Variants in DNAJC17 observed in about 807,000 individuals in gnomAD.
DNAJC17 encodes dnaJ homolog subfamily C member 17.
In DNAJC17, 35 loss-of-function variants were observed where a neutral mutation model predicts 48.1. That is an observed-to-expected ratio of 0.73 (90% CI 0.56 to 0.96). DNAJC17 has a LOEUF of 0.96. Ranked by LOEUF, DNAJC17 falls within the 50% of genes least tolerant of loss-of-function variation. The pLI is 0.00. For synonymous variants in DNAJC17, 117 were observed against 142.7 expected (o/e 0.82, Z 1.28); for missense variants, 355 against 377.1 (o/e 0.94, Z 0.48).
chr15:40,780,480 C>T, intron 1 of DNAJC17: 1 of 377,582 alleles, frequency 2.6e-6, no homozygotes, highest in South Asian at 2.0e-5. Context: ...ACTGTTGATA[C>T]TAGCCAGCCA....
At chr15:40,790,839 T>C (rs1045197192) in intron 1 of DNAJC17, among the ~76,000 whole-genome samples, 5 of 152,184 alleles carry the variant, frequency 3.3e-5, no homozygotes, top group Non-Finnish European at 5.9e-5. Context: ...GAATCATTCC[T>C]TTTGACTTAA....
In DNAJC17 at chr15:40,767,342, A is replaced by G; in HGVS notation, c.*598T>C. 1 of 1,598,504 alleles carries G rather than the reference A, an allele frequency of 6.3e-7. No individual in the cohort carries two copies. The highest frequency in any genetic ancestry group is 8.5e-7 in the Non-Finnish European group (1 of 1,173,722). ...CAGACGCTGGTGTGGTGTCTGCACA[A>G]GGAGTGACCTTCTCATGCTGATTTG... On this transcript the variant is annotated 3_prime_UTR_variant, in exon 11 of 11. Transcript: ENST00000220496.
chr15:40,795,431 T>G (rs1281509663), intron 1 of DNAJC17, among the ~76,000 whole-genome samples: 1 of 152,170 alleles, frequency 6.6e-6, no homozygotes, highest in African/African-American at 2.4e-5. Context: ...CTAAAACCGC[T>G]TCTCTTCACA....
intron 1 of DNAJC17, among the ~76,000 whole-genome samples, chr15:40,781,871 G>A (rs952336986): frequency 2.6e-5 from 4 of 151,578 alleles, no homozygotes; most frequent in Admixed American, 6.6e-5. Flanking sequence ...GCAGTGAGCC[G>A]AGATCACACC....
At chr15:40,782,780 C>A (rs1168200891) in intron 1 of DNAJC17, among the ~76,000 whole-genome samples, 2 of 152,140 alleles carry the variant, frequency 1.3e-5, no homozygotes, top group African/African-American at 2.4e-5. Context: ...AGGCAGCCAC[C>A]GGGCCCAGGA....
In DNAJC17 at chr15:40,767,849, T is replaced by C. The variant is rs1888988598; in HGVS notation, c.*91A>G. The stretch of plus-strand genomic sequence containing the variant: ...GGCAGAGCCCAGCACCTTATACCTA[T>C]GTATGGGATAGAGGTAAAATCTTAA... On this transcript the variant is annotated 3_prime_UTR_variant, in exon 11 of 11. Coordinates refer to ENST00000220496, the MANE Select transcript of DNAJC17 (RefSeq NM_018163.3). 3.9e-6 allele frequency: 6 copies of C among 1,546,134 alleles called. No homozygotes were observed. The highest frequency in any genetic ancestry group is 2.3e-5 in the East Asian group (1 of 44,408).
chr15:40,775,126 T>A lies in DNAJC17; in HGVS notation c.523-18A>T, dbSNP rs145731701. 8.1e-6 allele frequency: 13 copies of A among 1,613,596 alleles called. No individual in the cohort carries two copies. The African/African-American group carries it at 1.7e-4, about 22-fold the overall frequency. ...CATTTTAGCTGAAAAGAGAGCCTCA[T>A]GAAACACTGATTCTTGGCTGAACAG... On this transcript the variant is annotated intron_variant, in intron 7 of 10. Transcript: ENST00000220496.
intron 1 of DNAJC17, among the ~76,000 whole-genome samples, chr15:40,798,244 A>AAAGG (rs1298231294): frequency 6.6e-6 from 1 of 152,244 alleles, no homozygotes; most frequent in Non-Finnish European, 1.5e-5. Context: ...GCCTGACACA[A>AAAGG]AAGGACAAAT....
rs533243310 is a variant in DNAJC17, at chr15:40,783,071, C to T, written c.79-3074G>A. Among the ~76,000 whole-genome samples, 12 of 148,678 alleles carry T rather than the reference C, an allele frequency of 8.1e-5. 1 individual carries two copies. The highest frequency in any genetic ancestry group is 4.6e-4 in the Admixed American group (7 of 15,238). Reference sequence around the variant, plus strand: ...AGGAGGTGCTAGCTTAAGACAGTGTCATCTTTGCAATATATCATCTTTACT... The same window carrying T: ...AGGAGGTGCTAGCTTAAGACAGTGTTATCTTTGCAATATATCATCTTTACT... On this transcript the variant is annotated intron_variant, in intron 1 of 10. Coordinates refer to ENST00000220496, the MANE Select transcript of DNAJC17 (RefSeq NM_018163.3).
At position 40,779,083 on chromosome 15, in the gene DNAJC17, C is replaced by T. The variant is rs767029083; in HGVS notation, c.295+140G>A. 5.0e-6 allele frequency: 4 copies of T among 793,516 alleles called. No individual in the cohort carries two copies. In the South Asian group the frequency reaches 5.6e-5, roughly 11 times the overall value. 49.2% of individuals were successfully genotyped at this position (793,516 alleles called of 1,614,324 possible). A position where few individuals can be genotyped will look rare whatever the true frequency, so the allele number is the denominator to read the frequency against. ...TCCTAAGAGTGTCTTTAGGAACCAACCTCTAAGAACAGCGTTTTGCCCAGA... is the reference window on the plus strand; with the variant it reads ...TCCTAAGAGTGTCTTTAGGAACCAATCTCTAAGAACAGCGTTTTGCCCAGA... On this transcript the variant is annotated intron_variant, in intron 4 of 10. Transcript: ENST00000220496.
At position 40,774,340 on chromosome 15, in the gene DNAJC17, C is replaced by T. The variant is rs910652077; in HGVS notation, c.681+16G>A. The stretch of plus-strand genomic sequence containing the variant: ...ACAGGGCCACGAGGGGCCCCCAAGC[C>T]TCATGCAGCACTCACCGCTGCCTTG... On this transcript the variant is annotated intron_variant, in intron 9 of 10. Transcript: ENST00000220496. The T allele has an allele frequency of 1.5e-5, 25 of 1,613,628 alleles. No homozygotes were observed. Among genetic ancestry groups the T allele is most frequent in the South Asian group, 3.3e-5 (3 of 91,086 alleles).
chr15:40,801,981 C>T lies in DNAJC17; in HGVS notation c.78+5388G>A, dbSNP rs1890087963. On this transcript the variant is annotated intron_variant, in intron 1 of 10. Transcript: ENST00000220496. ...TAGTGGTGGAGACAGAGAGGGTGAACAGGTTTGGGGATTATTTGGGAGGCT... is the reference window on the plus strand; with the variant it reads ...TAGTGGTGGAGACAGAGAGGGTGAATAGGTTTGGGGATTATTTGGGAGGCT... 2.0e-5 allele frequency among the ~76,000 whole-genome samples: 3 copies of T among 151,780 alleles called. No individual in the cohort carries two copies. In the South Asian group the frequency reaches 6.3e-4, roughly 32 times the overall value.
chr15:40,803,843 T>C (rs549009495), intron 1 of DNAJC17, among the ~76,000 whole-genome samples: 1 of 152,226 alleles, frequency 6.6e-6, no homozygotes, highest in Non-Finnish European at 1.5e-5. Context: ...TAGAACTGGA[T>C]CCCAGCCACC....
Position 40,781,561 on chromosome 15 carries a change from A to AT in DNAJC17, c.79-1565dup, listed in dbSNP as rs201843583. On this transcript the variant is annotated intron_variant, in intron 1 of 10. Coordinates refer to ENST00000220496, the MANE Select transcript of DNAJC17 (RefSeq NM_018163.3). The stretch of plus-strand genomic sequence containing the variant: ...TCAGGAATTTGCCACGCTTATTAAA[A>AT]TTTTTTTTAAATAAAATATTATAGT... 9.5e-3 allele frequency among the ~76,000 whole-genome samples: 1,446 copies of AT among 152,158 alleles called. 20 individuals are homozygous for AT. The highest frequency in any genetic ancestry group is 0.021 in the South Asian group (101 of 4,822).
At chr15:40,801,622 G>A (rs1019923534) in intron 1 of DNAJC17, among the ~76,000 whole-genome samples, 5 of 151,794 alleles carry the variant, frequency 3.3e-5, no homozygotes, top group African/African-American at 4.8e-5. Context: ...GCGTGGTGGC[G>A]GGCGCCTGTA....
At chr15:40,789,219 A>G (rs1889727221) in intron 1 of DNAJC17, among the ~76,000 whole-genome samples, 1 of 152,100 alleles carries the variant, frequency 6.6e-6, no homozygotes, top group Admixed American at 6.5e-5. Context: ...CCACACACGG[A>G]GCCTGGCCTG....
At chr15:40,774,283 G>A (rs1566821131) in intron 9 of DNAJC17, 73 bp downstream of exon 9, 3 of 1,528,676 alleles carry the variant, frequency 2.0e-6, no homozygotes, top group South Asian at 2.2e-5. Flanking sequence ...TAACTCAGAG[G>A]GCCCACAGAA....
intron 1 of DNAJC17, among the ~76,000 whole-genome samples, chr15:40,792,816 G>A (rs145940317): frequency 1.0e-3 from 155 of 152,028 alleles, no homozygotes; most frequent in African/African-American, 3.6e-3. Flanking sequence ...CTGGATGGTC[G>A]TGGAAAATTT....
At chr15:40,768,133 T>C (rs1323191929) in intron 10 of DNAJC17, 71 bp from the exon 11 acceptor site, 3 of 1,448,392 alleles carry the variant, frequency 2.1e-6, no homozygotes, top group Non-Finnish European at 2.7e-6. Context: ...CCGAGTACGG[T>C]GCCGAGGCAG....
Sources: allele counts gnomAD v4.1 joint callset (sites outside exome capture counted in the v4.1 genomes callset), GRCh38; gene constraint gnomAD v4.1.1; transcripts MANE v1.5; gene names NCBI Gene and HGNC (gene_info 2026-07-23, HGNC 2026-07-21).